DCDC2: variants seen among roughly 807,000 people sequenced by gnomAD.
The protein encoded by DCDC2 is doublecortin domain-containing protein 2.
In DCDC2, 40 loss-of-function variants were observed where a neutral mutation model predicts 50.2. The ratio of observed to expected loss-of-function variants is 0.80; its 90% CI spans 0.62 to 1.04. The LOEUF is 1.04. Among genes scored for constraint, DCDC2 ranks in the 50% least tolerant of loss-of-function variants. DCDC2 has a pLI of 0.00. For synonymous variants in DCDC2, 234 were observed against 210.6 expected, an observed-to-expected ratio of 1.11 and a Z score of -0.96; for missense variants, 570 against 581.9, an observed-to-expected ratio of 0.98 and a Z score of 0.21.
At chr6:24,336,574 A>G (rs1760060140) in intron 2 of DCDC2, among the ~76,000 whole-genome samples, 1 of 152,234 alleles carries the variant, frequency 6.6e-6, no homozygotes, top group Admixed American at 6.5e-5. Flanking sequence ...TTTAGAAGTA[A>G]TGATAAGTAT....
chr6:24,304,038 G>C (rs151144054), intron 2 of DCDC2, among the ~76,000 whole-genome samples: 3 of 152,188 alleles, frequency 2.0e-5, no homozygotes, highest in Admixed American at 6.5e-5. Flanking sequence ...CAATGCCTAC[G>C]AGTTGCACAA....
At chr6:24,205,207 C>T (rs1761686365) in intron 7 of DCDC2, 105 bp from the exon 8 acceptor site, 3 of 1,613,074 alleles carry the variant, frequency 1.9e-6, no homozygotes, top group Non-Finnish European at 2.5e-6. Flanking sequence ...CATTTGGATT[C>T]CCTTTTTAGT....
the DCDC2 span, among the ~76,000 whole-genome samples, chr6:24,382,559 GT>G: frequency 6.6e-6 from 1 of 152,088 alleles, no homozygotes; most frequent in Non-Finnish European, 1.5e-5. Context: ...GAGTTTGCTG[GT>G]TTTTTGTTGT....
the DCDC2 span, among the ~76,000 whole-genome samples, chr6:24,372,914 A>T: frequency 6.6e-6 from 1 of 152,202 alleles, no homozygotes; most frequent in Non-Finnish European, 1.5e-5. Flanking sequence ...CTTAAAGTAT[A>T]ATAAAAAAAT....
chr6:24,262,197 T>C (rs1021768657), intron 7 of DCDC2, among the ~76,000 whole-genome samples: 5 of 138,878 alleles, frequency 3.6e-5, no homozygotes, highest in African/African-American at 1.1e-4. Context: ...AGCACAGTAA[T>C]TGTGAGACTT....
At chr6:24,214,336 GGATT>G (rs1761933028) in intron 7 of DCDC2, among the ~76,000 whole-genome samples, 1 of 152,034 alleles carries the variant, frequency 6.6e-6, no homozygotes, top group Non-Finnish European at 1.5e-5. Context: ...AACAAAAGTA[GGATT>G]ATTATCATTG....
intron 7 of DCDC2, among the ~76,000 whole-genome samples, chr6:24,225,895 ATAT>A (rs1470914816): frequency 1.3e-5 from 2 of 151,430 alleles, no homozygotes; most frequent in Non-Finnish European, 3.0e-5. Flanking sequence ...AACAGTCAGC[ATAT>A]TATAACAAAA....
chr6:24,218,935 G>A (rs1448873077), intron 7 of DCDC2, among the ~76,000 whole-genome samples: 3 of 152,110 alleles, frequency 2.0e-5, no homozygotes, highest in East Asian at 3.8e-4. Flanking sequence ...TCAACAGATG[G>A]TATCTTCCAG....
rs577337267 is a variant in DCDC2, at chr6:24,351,134, G to T, written c.348+2435C>A. Among the ~76,000 whole-genome samples the T allele has an allele frequency of 3.9e-5, 6 of 152,270 alleles. No individual in the cohort carries two copies. In the South Asian group the frequency reaches 1.2e-3, roughly 32 times the overall value. ...ATTCAGAGTCAAAGTGATATTTCCA[G>T]AAGAAAAATGCTTTCATAGTTCCCT... On this transcript the variant is annotated intron_variant, in intron 2 of 9. Transcript: ENST00000378454.
intron 7 of DCDC2, among the ~76,000 whole-genome samples, chr6:24,248,587 G>A (rs957496422): frequency 6.6e-6 from 1 of 152,072 alleles, no homozygotes; most frequent in South Asian, 2.1e-4. Flanking sequence ...CAGGATATAC[G>A]TGGTTAAGCA....
chr6:24,255,424 T>C (rs1025044586), intron 7 of DCDC2, among the ~76,000 whole-genome samples: 1 of 149,694 alleles, frequency 6.7e-6, no homozygotes, highest in Non-Finnish European at 1.5e-5. Context: ...AAAACATTAA[T>C]CCTAAAGGAA....
At chr6:24,216,041 G>C (rs2113770506) in intron 7 of DCDC2, among the ~76,000 whole-genome samples, 1 of 152,304 alleles carries the variant, frequency 6.6e-6, no homozygotes, top group African/African-American at 2.4e-5. Context: ...TGGTTAGAAA[G>C]GAGGTGATGG....
intron 8 of DCDC2, among the ~76,000 whole-genome samples, chr6:24,180,814 A>G (rs1761054744): frequency 6.6e-6 from 1 of 152,102 alleles, no homozygotes; most frequent in African/African-American, 2.4e-5. Flanking sequence ...AAGTTAACAT[A>G]ATGCTTTCAG....
intron 8 of DCDC2, among the ~76,000 whole-genome samples, chr6:24,193,611 AAGGAAATGTAACT>A (rs1425280691): frequency 2.0e-5 from 3 of 152,158 alleles, no homozygotes; most frequent in Non-Finnish European, 4.4e-5. Context: ...TTACCCAAGA[AAGGAAATGTAACT>A]AGAGTACACC....
intron 2 of DCDC2, among the ~76,000 whole-genome samples, chr6:24,316,651 C>G (rs966018921): frequency 6.6e-6 from 1 of 152,026 alleles, no homozygotes; most frequent in Non-Finnish European, 1.5e-5. Flanking sequence ...TTTCAAAACT[C>G]TGTAGAATTA....
chr6:24,255,934 G>A (rs767789695), intron 7 of DCDC2, among the ~76,000 whole-genome samples: 3 of 152,002 alleles, frequency 2.0e-5, no homozygotes, highest in Middle Eastern at 3.2e-3. Context: ...GAGGAAAATC[G>A]AAAGAACATT....
intron 8 of DCDC2, among the ~76,000 whole-genome samples, chr6:24,191,021 T>C (rs1481633424): frequency 1.3e-5 from 2 of 152,200 alleles, no homozygotes; most frequent in Non-Finnish European, 2.9e-5. Context: ...CAACGGATCA[T>C]GTCTCTGAGG....
At chr6:24,382,765 C>T in the DCDC2 span, among the ~76,000 whole-genome samples, 5 of 152,038 alleles carry the variant, frequency 3.3e-5, no homozygotes, top group African/African-American at 9.7e-5. Flanking sequence ...CTTTTTTTCT[C>T]TTCAAAAGAC....
chr6:24,206,377 A>AGAAGGAAG (rs370300459), intron 7 of DCDC2, among the ~76,000 whole-genome samples: 9,807 of 152,142 alleles, frequency 0.064, 567 homozygotes, highest in East Asian at 0.35. Context: ...AATGAAGGAA[A>AGAAGGAAG]GAAGGAAGGA....
Sources: allele counts gnomAD v4.1 joint callset (sites outside exome capture counted in the v4.1 genomes callset), GRCh38; gene constraint gnomAD v4.1.1; transcripts MANE v1.5; gene names NCBI Gene and HGNC (gene_info 2026-07-23, HGNC 2026-07-21).